GGNBP2: variants seen among roughly 807,000 people sequenced by gnomAD.
GGNBP2 encodes the protein gametogenetin-binding protein 2.
In GGNBP2, 10 loss-of-function variants were observed where a neutral mutation model predicts 85.9. That is an observed-to-expected ratio of 0.12 (90% CI 0.07 to 0.20). The LOEUF is 0.20. GGNBP2 is among the 10% of genes least tolerant of loss of function. The pLI is 1.00. For missense variants in GGNBP2, 595 were observed against 857.8 expected (o/e 0.69, Z 3.83); for synonymous variants, 287 against 285.7 (o/e 1.00, Z -0.05).
At chr17:36,551,717 C>T (rs1312422855) in intron 2 of GGNBP2, among the ~76,000 whole-genome samples, 3 of 151,714 alleles carry the variant, frequency 2.0e-5, no homozygotes, top group Non-Finnish European at 4.4e-5. Flanking sequence ...GGTGGTACGC[C>T]TGTAATCCCA....
At chr17:36,556,867 A>G (rs1275612788) in intron 3 of GGNBP2, among the ~76,000 whole-genome samples, 1 of 133,182 alleles carries the variant, frequency 7.5e-6, no homozygotes, top group Non-Finnish European at 1.5e-5. Flanking sequence ...AGAGTTGTTT[A>G]TATACCCTAG....
chr17:36,579,786 G>A (rs1234127238), intron 8 of GGNBP2, among the ~76,000 whole-genome samples: 2 of 152,124 alleles, frequency 1.3e-5, no homozygotes, highest in Non-Finnish European at 2.9e-5. Flanking sequence ...CGAGGCAGGC[G>A]GATCACCTGA....
intron 2 of GGNBP2, among the ~76,000 whole-genome samples, chr17:36,550,099 G>A (rs1419356957): frequency 2.0e-5 from 3 of 151,918 alleles, no homozygotes; most frequent in Admixed American, 6.6e-5. Flanking sequence ...CACCATGCCC[G>A]GCTAGTTTTT....
chr17:36,547,640 A>T (rs2074267875), intron 2 of GGNBP2: 1 of 152,214 alleles, frequency 6.6e-6, no homozygotes, highest in Non-Finnish European at 1.5e-5. Context: ...GTAACCTTGC[A>T]ATGTGGTTTA....
rs148556507 is a variant in GGNBP2, at chr17:36,549,768, A to G, written c.93+3951A>G. The stretch of plus-strand genomic sequence containing the variant: ...TGTAATTATTTTTCCACTGTTGGAC[A>G]TGGAGGTTGTTCTAGTTTTTGCTAT... On this transcript the variant is annotated intron_variant, in intron 2 of 13. Transcript: ENST00000613102. Among the ~76,000 whole-genome samples the G allele has an allele frequency of 4.1e-4, 63 of 152,222 alleles. 1 individual carries two copies. The East Asian group carries it at 0.011, about 27-fold the overall frequency.
intron 4 of GGNBP2, among the ~76,000 whole-genome samples, chr17:36,557,888 C>T (rs1345320232): frequency 6.8e-6 from 1 of 147,726 alleles, no homozygotes; most frequent in Non-Finnish European, 1.5e-5. Context: ...CCAAGGCAGG[C>T]AGATCATGAG....
intron 4 of GGNBP2, among the ~76,000 whole-genome samples, chr17:36,557,842 G>A (rs993924342): frequency 5.3e-5 from 8 of 152,176 alleles, no homozygotes; most frequent in Non-Finnish European, 8.8e-5. Context: ...GGCCGGGCGC[G>A]GTGGCTCACG....
In GGNBP2 at chr17:36,545,097, G is replaced by A. The variant is rs1056740459; in HGVS notation, c.-107G>A. 6.5e-6 allele frequency: 1 copy of A among 152,948 alleles called. No homozygotes were observed. The highest frequency in any genetic ancestry group is 2.4e-5 in the African/African-American group (1 of 41,446). The allele number at this position is 152,948 out of a possible 1,614,324, so 9.5% of individuals were successfully genotyped here. A position where few individuals can be genotyped will look rare whatever the true frequency, so the allele number is the denominator to read the frequency against. On this transcript the variant is annotated splice_region_variant and 5_prime_UTR_variant, in exon 1 of 14. Coordinates refer to ENST00000613102, the MANE Select transcript of GGNBP2 (RefSeq NM_024835.5). Reference sequence around the variant, plus strand: ...GGAACCGACAGCCTCCTCCGAGAAGGGTGAGGAAAGGGTCTGAGCCTCCCC... The same window carrying A: ...GGAACCGACAGCCTCCTCCGAGAAGAGTGAGGAAAGGGTCTGAGCCTCCCC...
chr17:36,563,488 A>G (rs2074439368), intron 5 of GGNBP2, among the ~76,000 whole-genome samples: 1 of 151,930 alleles, frequency 6.6e-6, no homozygotes, highest in African/African-American at 2.4e-5. Flanking sequence ...GCATCTCTAA[A>G]TATATGGACA....
chr17:36,587,270 G>A, intron 13 of GGNBP2, 25 bp downstream of exon 13: 1 of 1,609,462 alleles, frequency 6.2e-7, no homozygotes, highest in Non-Finnish European at 8.5e-7. Context: ...TGGTCTTACT[G>A]TACATAACTG....
Position 36,554,522 on chromosome 17 carries a change from C to G in GGNBP2, c.94-298C>G, listed in dbSNP as rs1003089000. Among the ~76,000 whole-genome samples the G allele has an allele frequency of 2.6e-5, 4 of 151,738 alleles. No homozygotes were observed. In the East Asian group the frequency reaches 7.8e-4, roughly 30 times the overall value. On this transcript the variant is annotated intron_variant, in intron 2 of 13. Coordinates refer to ENST00000613102, the MANE Select transcript of GGNBP2 (RefSeq NM_024835.5). ...AGCTAGGATTACAGGCATGCGCCAC[C>G]AAACCTGCCTAATTTTATGTATTTA...
chr17:36,564,766 A>C (rs1203861112), intron 5 of GGNBP2, among the ~76,000 whole-genome samples: 2 of 143,144 alleles, frequency 1.4e-5, no homozygotes, highest in Non-Finnish European at 3.0e-5. Flanking sequence ...CTACATCCCC[A>C]CCCCCCATAG....
chr17:36,560,621 G>T (rs1252745946), intron 4 of GGNBP2, 152 bp from the exon 5 acceptor site: 1 of 493,994 alleles, frequency 2.0e-6, no homozygotes, highest in African/African-American at 2.0e-5. Context: ...AATAACGTGA[G>T]TGCCAGGCAC....
intron 9 of GGNBP2, among the ~76,000 whole-genome samples, chr17:36,583,918 G>A (rs1383457821): frequency 6.6e-6 from 1 of 152,126 alleles, no homozygotes; most frequent in African/African-American, 2.4e-5. Context: ...GAATCCGTTG[G>A]ACTATATTGG....
intron 2 of GGNBP2, among the ~76,000 whole-genome samples, chr17:36,551,694 A>T (rs1202094582): frequency 6.6e-6 from 1 of 151,902 alleles, no homozygotes. Context: ...AAATACAAAA[A>T]TTAGCTGGGC....
At chr17:36,584,332 T>A (rs1177230916) in intron 9 of GGNBP2, among the ~76,000 whole-genome samples, 1 of 152,218 alleles carries the variant, frequency 6.6e-6, no homozygotes, top group Non-Finnish European at 1.5e-5. Flanking sequence ...ATACTTCCCA[T>A]TTGTCACATA....
At position 36,575,209 on chromosome 17, in the gene GGNBP2, G is replaced by T. The variant is rs910748565; in HGVS notation, c.642-2774G>T. On this transcript the variant is annotated intron_variant, in intron 6 of 13. Transcript: ENST00000613102. ...CTCCATGAGCTCTGCGGCCTCAGCC[G>T]CGGCCTCAGCCCCAGCCCCGGCCCC... is the stretch of plus-strand genomic sequence containing the variant. 4.7e-6 allele frequency: 3 copies of T among 640,400 alleles called. No homozygotes were observed. The African/African-American group carries it at 5.5e-5, about 12-fold the overall frequency. 39.7% of individuals were successfully genotyped at this position (640,400 alleles called of 1,614,324 possible).
intron 10 of GGNBP2, 58 bp from the exon 11 acceptor site, chr17:36,585,782 T>C: frequency 3.4e-6 from 5 of 1,487,678 alleles, no homozygotes; most frequent in Non-Finnish European, 4.6e-6. Flanking sequence ...GAGTTCACTC[T>C]TTGTCCTAAT....
Position 36,579,126 on chromosome 17 carries a change from G to C in GGNBP2, c.846-119G>C, listed in dbSNP as rs1690877093. ...AGCAACATATACGTTGAGTGTAAAT[G>C]TATAACTGTCTTGTTACTAGGTAAG... On this transcript the variant is annotated intron_variant, in intron 7 of 13. Coordinates refer to ENST00000613102, the MANE Select transcript of GGNBP2 (RefSeq NM_024835.5). The C allele has an allele frequency of 5.5e-5, 42 of 767,514 alleles. No individual in the cohort carries two copies. The South Asian group carries it at 7.1e-4, about 13-fold the overall frequency. The allele number at this position is 767,514 out of a possible 1,614,324, so 47.5% of individuals were successfully genotyped here.
Sources: gnomAD v4.1 joint callset for allele counts (sites outside exome capture counted in the v4.1 genomes callset) on GRCh38, gnomAD v4.1.1 for gene constraint, MANE v1.5 for transcripts, NCBI Gene and HGNC (gene_info 2026-07-23, HGNC 2026-07-21) for gene names.